SLX4: variants seen among roughly 807,000 people sequenced by gnomAD.
SLX4 encodes the protein structure-specific endonuclease subunit SLX4.
SLX4 carries 112 observed loss-of-function variants against 146.2 expected under a neutral mutation model. The ratio of observed to expected loss-of-function variants is 0.77; its 90% CI spans 0.66 to 0.90. The LOEUF is 0.90. Ranked by LOEUF, SLX4 falls within the 40% of genes least tolerant of loss-of-function variation. The probability of loss-of-function intolerance (pLI) is 0.00; values close to 1 mark genes in which losing one functional copy is unlikely to be tolerated. For missense variants in SLX4, 2,563 were observed against 2,392.7 expected, an observed-to-expected ratio of 1.07 and a Z score of -1.49; for synonymous variants, 1,061 against 997.7, an observed-to-expected ratio of 1.06 and a Z score of -1.20.
chr16:3,582,046 G>GAA lies in SLX4; in HGVS notation c.*294_*295dup. 104 of 388,390 alleles carry GAA rather than the reference G, an allele frequency of 2.7e-4. No individual in the cohort carries two copies. The highest frequency in any genetic ancestry group is 4.2e-4 in the South Asian group (13 of 30,694). 24.1% of individuals were successfully genotyped at this position (388,390 alleles called of 1,614,324 possible). ...TGACACAGCACGACTGTCTCAAAAA[G>GAA]AAAAAAAAAAAGAAAACCAAAAAGG... is the stretch of plus-strand genomic sequence containing the variant. On this transcript the variant is annotated 3_prime_UTR_variant, in exon 15 of 15. Transcript: ENST00000294008.
chr16:3,589,560 G>A lies in SLX4; in HGVS notation c.4078C>T (p.His1360Tyr), dbSNP rs1282208383. ...TGGGCGCGGTCCCCTGAGATGGGAT[G>A]TGGAGCCAGCGGAGAGGAGTGCGGG... ...GHPHSSPLAP[H>Y]PISGDRAHFS... Residue 1360 changes from histidine to tyrosine, a missense_variant, in exon 12 of 15, where the codon CAT becomes TAT. Transcript: ENST00000294008. This position sits in a 1 kb window ranked among gnomAD's most constrained non-coding sequence, Gnocchi z 6.2. The A allele has an allele frequency of 3.7e-6, 6 of 1,612,536 alleles. No homozygotes were observed. Among genetic ancestry groups the A allele is most frequent in the Non-Finnish European group, 5.1e-6 (6 of 1,179,492 alleles).
chr16:3,591,861 A>C (rs953517453), intron 11 of SLX4, among the ~76,000 whole-genome samples: 1 of 152,230 alleles, frequency 6.6e-6, no homozygotes, highest in Admixed American at 6.5e-5. Flanking sequence ...CTGTCTCTAA[A>C]AGGATAAAAA....
chr16:3,611,243 T>G (rs1023538203), intron 1 of SLX4, among the ~76,000 whole-genome samples: 1 of 152,158 alleles, frequency 6.6e-6, no homozygotes, highest in African/African-American at 2.4e-5. Context: ...GTTCCCCGTC[T>G]GGGAAAAGGG....
intron 9 of SLX4, 46 bp downstream of exon 9, chr16:3,595,559 G>A (rs773694720): frequency 1.9e-6 from 3 of 1,606,508 alleles, no homozygotes; most frequent in Middle Eastern, 3.4e-4. Flanking sequence ...CACATGGCAA[G>A]TGGGATGGCC....
chr16:3,585,511 G>A (rs1205999197), intron 12 of SLX4, among the ~76,000 whole-genome samples: 1 of 149,984 alleles, frequency 6.7e-6, no homozygotes, highest in Non-Finnish European at 1.5e-5. Context: ...GCGTGAACCT[G>A]GGAGGCGGAG....
Position 3,609,180 on chromosome 16 carries a change from G to A in SLX4, c.-216C>T, listed in dbSNP as rs2040821471. 3 of 517,454 alleles carry A rather than the reference G, an allele frequency of 5.8e-6. No homozygotes were observed. The highest frequency in any genetic ancestry group is 3.8e-5 in the African/African-American group (2 of 52,550). The allele number at this position is 517,454 out of a possible 1,614,324, so 32.1% of individuals were successfully genotyped here. On this transcript the variant is annotated 5_prime_UTR_variant, in exon 2 of 15. Coordinates refer to ENST00000294008, the MANE Select transcript of SLX4 (RefSeq NM_032444.4). ...GCTCTTTTGGAGGACGAGGCGGGGG[G>A]TGGATCACCTGAGGTCAGAAGTTCG...
chr16:3,583,785 T>G (rs2040473091), intron 13 of SLX4, among the ~76,000 whole-genome samples: 1 of 151,246 alleles, frequency 6.6e-6, no homozygotes, highest in Non-Finnish European at 1.5e-5. Flanking sequence ...GGAGGACAGT[T>G]TGAGCTCAGG....
At chr16:3,588,300 A>T (rs1219598468) in intron 12 of SLX4, among the ~76,000 whole-genome samples, 2 of 152,176 alleles carry the variant, frequency 1.3e-5, no homozygotes, top group Non-Finnish European at 2.9e-5. Flanking sequence ...CCTATTCTAG[A>T]CATTTCATAT....
At chr16:3,598,960 G>A (rs1430444258) in intron 5 of SLX4, among the ~76,000 whole-genome samples, 1 of 152,208 alleles carries the variant, frequency 6.6e-6, no homozygotes, top group Non-Finnish European at 1.5e-5. Context: ...CCTTTGGGGA[G>A]GGAGGGGTTC....
In SLX4 at chr16:3,606,081, G is replaced by A. The variant is rs113212992; in HGVS notation, c.760+393C>T. 9.4e-3 allele frequency among the ~76,000 whole-genome samples: 1,430 copies of A among 151,632 alleles called. 20 individuals carry two copies. Among genetic ancestry groups the A allele is most frequent in the African/African-American group, 0.033 (1,366 of 41,314 alleles). On this transcript the variant is annotated intron_variant, in intron 3 of 14. Transcript: ENST00000294008. ...TCGAGACCAGCCTGGCCAACTTGGC[G>A]AAACCCTGTCTCTACTAAAAATACA...
At position 3,581,808 on chromosome 16, in the gene SLX4, C is replaced by T. The variant is rs115773986; in HGVS notation, c.*534G>A. 3.6e-3 allele frequency: 600 copies of T among 167,406 alleles called. 6 individuals carry two copies. The highest frequency in any genetic ancestry group is 0.014 in the African/African-American group (566 of 41,816). 10.4% of individuals were successfully genotyped at this position (167,406 alleles called of 1,614,324 possible). A position where few individuals can be genotyped will look rare whatever the true frequency, so the allele number is the denominator to read the frequency against. On this transcript the variant is annotated 3_prime_UTR_variant, in exon 15 of 15. Coordinates refer to ENST00000294008, the MANE Select transcript of SLX4 (RefSeq NM_032444.4). ...CTGTGATCCCAGCACTTTGGGAGGC[C>T]GCAGCAGGCGGATTGCCTGAGCTCT...
chr16:3,601,454 AC>A (rs1197763604), intron 4 of SLX4: 6 of 502,348 alleles, frequency 1.2e-5, no homozygotes, highest in African/African-American at 1.2e-4. Context: ...CTAAGTAGAG[AC>A]CCCAAAGAAC....
Position 3,583,267 on chromosome 16 carries a change from C to G in SLX4, c.4983G>C (p.Lys1661Asn). The change falls in exon 14 of 15, where the codon AAG becomes AAC. Residue 1661 changes from lysine (K) to asparagine (N), a missense_variant. Transcript: ENST00000294008. The part of the protein sequence containing the change: ...PGAHRPKGPA[K>N]TKGPRHQRKH... Reference sequence around the variant, plus strand: ...TCCTTTGATGTCGGGGGCCCTTGGTCTTAGCAGGTCCCTTGGGCCTATGGG... The same window carrying G: ...TCCTTTGATGTCGGGGGCCCTTGGTGTTAGCAGGTCCCTTGGGCCTATGGG... 1 of 1,614,148 alleles carries G rather than the reference C, an allele frequency of 6.2e-7. No individual in the cohort carries two copies. Among genetic ancestry groups the G allele is most frequent in the Non-Finnish European group, 8.5e-7 (1 of 1,180,034 alleles).
Position 3,597,449 on chromosome 16 carries a change from C to G in SLX4, c.1613G>C (p.Gly538Ala). Residue 538 changes from glycine (G) to alanine (A), a missense_variant, in exon 7 of 15, where the codon GGG (glycine) becomes GCG (alanine). Coordinates refer to ENST00000294008, the MANE Select transcript of SLX4 (RefSeq NM_032444.4). The surrounding 1 kb of genome is among the most constrained non-coding windows in gnomAD (Gnocchi z 4.4). ...GTAGAAGTCCTCCATGGCCCAGGCC[C>G]CAGTCAGTGCGCTGCCCTCCCACAG... ...SFLWEGSALT[G>A]AWAMEDFYTA... The G allele has an allele frequency of 6.2e-7, 1 of 1,612,468 alleles. No individual in the cohort carries two copies. The highest frequency in any genetic ancestry group is 1.1e-5 in the South Asian group (1 of 90,790).
intron 12 of SLX4, among the ~76,000 whole-genome samples, chr16:3,587,965 G>A (rs2040526795): frequency 1.3e-5 from 2 of 152,146 alleles, no homozygotes; most frequent in Admixed American, 6.5e-5. Context: ...CGACACCTGG[G>A]GCTCTGACTC....
rs2040565219 is a variant in SLX4, at chr16:3,590,120, C to T, written c.3518G>A (p.Ser1173Asn). 1 of 1,614,228 alleles carries T rather than the reference C, an allele frequency of 6.2e-7. No individual in the cohort carries two copies. Among genetic ancestry groups the T allele is most frequent in the Non-Finnish European group, 8.5e-7 (1 of 1,180,048 alleles). ...AGCTTTCTTTTCTTCCAGAGGATCA[C>T]TAGAAATGGACTTCATTTTGGTTTG... ...LEQTKMKSIS[S>N]DPLEEKKALE... The change falls in exon 12 of 15, where the codon AGT becomes AAT. Residue 1173 changes from serine (S) to asparagine (N), a missense_variant. Ser to Asn is a conservative substitution (Grantham distance 46). Coordinates refer to ENST00000294008, the MANE Select transcript of SLX4 (RefSeq NM_032444.4). This position sits in a 1 kb window ranked among gnomAD's most constrained non-coding sequence, Gnocchi z 4.8.
rs536862851 is a variant in SLX4 at position 3,593,896 on chromosome 16, G to C, written c.2160+557C>G. ...TTTGTTTTGTTTTGTTTTTGAGACA[G>C]AGTCTTGCTCTGTCGCCCAGGCTGG... On this transcript the variant is annotated intron_variant, in intron 10 of 14. Coordinates refer to ENST00000294008, the MANE Select transcript of SLX4 (RefSeq NM_032444.4). Among the ~76,000 whole-genome samples the C allele has an allele frequency of 2.0e-3, 298 of 152,290 alleles. 3 individuals are homozygous for C. Among genetic ancestry groups the C allele is most frequent in the African/African-American group, 6.4e-3 (267 of 41,544 alleles).
chr16:3,585,595 A>G (rs1596517390), intron 12 of SLX4, among the ~76,000 whole-genome samples: 1 of 150,670 alleles, frequency 6.6e-6, no homozygotes, highest in African/African-American at 2.4e-5. Flanking sequence ...CAAAAAAAAA[A>G]AAAAAAAAGG....
chr16:3,601,543 C>T (rs1486671654), intron 4 of SLX4: 3 of 369,710 alleles, frequency 8.1e-6, no homozygotes, highest in Non-Finnish European at 1.5e-5. Context: ...GGTAGAAATG[C>T]TCCAAATGTC....
Sources: allele counts gnomAD v4.1 joint callset (sites outside exome capture counted in the v4.1 genomes callset), GRCh38; gene constraint gnomAD v4.1.1; non-coding constraint Gnocchi (gnomAD v3.1); transcripts MANE v1.5; gene names NCBI Gene and HGNC (gene_info 2026-07-23, HGNC 2026-07-21).